Variants in RNF225 observed in about 807,000 individuals in gnomAD.
RNF225 encodes ring finger protein 225.
For synonymous variants in RNF225, 295 were observed against 260.4 expected, an observed-to-expected ratio of 1.13 and a Z score of -1.28; for missense variants, 510 against 509.8, an observed-to-expected ratio of 1.00 and a Z score of 0.00.
chr19:58,396,161 C>G lies in RNF225; in HGVS notation c.72C>G (p.Gly24=). 3.3e-6 allele frequency: 5 copies of G among 1,535,514 alleles called. No homozygotes were observed. Among genetic ancestry groups the G allele is most frequent in the Non-Finnish European group, 4.4e-6 (5 of 1,147,140 alleles). The part of the protein sequence containing the change: ...APQGSGPSSP[G]SLSAPRSPSR... ...AGGGCTCGGGTCCCAGCTCCCCAGG[C>G]TCGCTCTCTGCGCCCCGCTCCCCAA... The change falls in exon 1 of 1, where the codon GGC becomes GGG. Residue 24 remains glycine (G), a synonymous_variant. Transcript: ENST00000601382.
chr19:58,397,047 CGG>C lies in RNF225; in HGVS notation c.961_962del (p.Gly321ArgfsTer?), dbSNP rs2052405632. 6.5e-7 allele frequency: 1 copy of C among 1,528,308 alleles called. No homozygotes were observed. 94.7% of individuals were successfully genotyped at this position (1,528,308 alleles called of 1,614,324 possible). A position where few individuals can be genotyped will look rare whatever the true frequency, so the allele number is the denominator to read the frequency against. On this transcript the variant is annotated frameshift_variant, in exon 1 of 1. Coordinates refer to ENST00000601382, the MANE Select transcript of RNF225 (RefSeq NM_001195135.2). LOFTEE classifies it low-confidence loss of function (END_TRUNC). ...TGGCCCCGGCTGGGCCCCGTGGCCA[CGG>C]GGCGCGAGGAGGCTGTGGGGCTCAC... ...EAGPGWAPWP[R>X]GARRLWGSQ is the part of the protein sequence containing the mutation.
In RNF225 at chr19:58,396,201, CAGGAGG is replaced by C. The variant is rs747436338; in HGVS notation, c.129_134del (p.Glu44_Glu45del). ...CCGCTCCCCAAGCAGAGGGGAAGAC[CAGGAGG>C]AGGAGGAGGAGGAGGAAGGGGACGG... On this transcript the variant is annotated inframe_deletion, in exon 1 of 1. Transcript: ENST00000601382. 1.8e-4 allele frequency: 283 copies of C among 1,542,526 alleles called. No homozygotes were observed. The highest frequency in any genetic ancestry group is 2.2e-4 in the Non-Finnish European group (255 of 1,151,158).
rs1352898620 is a variant in RNF225 at position 58,397,043 on chromosome 19, G to A, written c.954G>A (p.Trp318Ter). Residue 318 changes from tryptophan (W) to a stop codon, truncating the protein, a stop_gained, in exon 1 of 1, where the codon TGG (tryptophan) becomes TGA (stop). Transcript: ENST00000601382. LOFTEE classifies it low-confidence loss of function (END_TRUNC). ...GTEAGPGWAP[W>*]PRGARRLWGS... is the part of the protein sequence containing the mutation. ...AGGCTGGCCCCGGCTGGGCCCCGTG[G>A]CCACGGGGCGCGAGGAGGCTGTGGG... The A allele has an allele frequency of 2.0e-6, 3 of 1,529,162 alleles. No individual in the cohort carries two copies. The highest frequency in any genetic ancestry group is 2.6e-6 in the Non-Finnish European group (3 of 1,144,390). The allele number at this position is 1,529,162 out of a possible 1,614,324, so 94.7% of individuals were successfully genotyped here.
chr19:58,396,027 A>G lies in RNF225; in HGVS notation c.-63A>G. On this transcript the variant is annotated 5_prime_UTR_variant, in exon 1 of 1. Transcript: ENST00000601382. ...CCCTGGATTCCCTGCTGGTCTCAGAACCCGCTCCAGGCTCCACCGCCTCCT... is the reference window on the plus strand; with the variant it reads ...CCCTGGATTCCCTGCTGGTCTCAGAGCCCGCTCCAGGCTCCACCGCCTCCT... 1.4e-6 allele frequency: 2 copies of G among 1,439,194 alleles called. No homozygotes were observed. The highest frequency in any genetic ancestry group is 1.8e-6 in the Non-Finnish European group (2 of 1,096,822). The allele number at this position is 1,439,194 out of a possible 1,614,324, so 89.2% of individuals were successfully genotyped here.
Position 58,396,851 on chromosome 19 carries a change from G to A in RNF225, c.762G>A (p.Pro254=). 2 of 1,519,980 alleles carry A rather than the reference G, an allele frequency of 1.3e-6. No homozygotes were observed. Among genetic ancestry groups the A allele is most frequent in the Non-Finnish European group, 1.8e-6 (2 of 1,141,012 alleles). The allele number at this position is 1,519,980 out of a possible 1,614,324, so 94.2% of individuals were successfully genotyped here. A position where few individuals can be genotyped will look rare whatever the true frequency, so the allele number is the denominator to read the frequency against. The change falls in exon 1 of 1, where the codon CCG becomes CCA. Residue 254 remains proline, a synonymous_variant. Transcript: ENST00000601382. Reference sequence around the variant, plus strand: ...CTTGGTTTCCGCCGAGGCCCCCGCCGGGGTCGCCCTGGGCCCCCGCCTGGA... The same window carrying A: ...CTTGGTTTCCGCCGAGGCCCCCGCCAGGGTCGCCCTGGGCCCCCGCCTGGA... The part of the protein sequence containing the change: ...GFSWFPPRPP[P]GSPWAPAWTP...
In RNF225 at chr19:58,396,487, T is replaced by A; in HGVS notation, c.398T>A (p.Leu133Gln). The A allele has an allele frequency of 7.5e-7, 1 of 1,334,564 alleles. No homozygotes were observed. The allele number at this position is 1,334,564 out of a possible 1,614,324, so 82.7% of individuals were successfully genotyped here. The change falls in exon 1 of 1, where the codon CTG becomes CAG. Residue 133 changes from leucine to glutamine, a missense_variant. Transcript: ENST00000601382. ...GCGTTGCCCACGCAGTCCGGTCTCC[T>A]GCCCCGCGACGCGCGCGCACCGCCC... ...LPALPTQSGL[L>Q]PRDARAPPSR... is the part of the protein sequence containing the mutation.
chr19:58,396,692 C>T lies in RNF225; in HGVS notation c.603C>T (p.Ala201=), dbSNP rs1257380921. 3 of 1,494,660 alleles carry T rather than the reference C, an allele frequency of 2.0e-6. No homozygotes were observed. Among genetic ancestry groups the T allele is most frequent in the Middle Eastern group, 1.9e-4 (1 of 5,262 alleles). 92.6% of individuals were successfully genotyped at this position (1,494,660 alleles called of 1,614,324 possible). A position where few individuals can be genotyped will look rare whatever the true frequency, so the allele number is the denominator to read the frequency against. ...LASPAWVFNA[A]VALAVLVAAG... is the part of the protein sequence containing the mutation. The stretch of plus-strand genomic sequence containing the variant: ...GCCCGGCCTGGGTCTTCAACGCTGC[C>T]GTGGCGCTGGCGGTGCTGGTGGCCG... The change falls in exon 1 of 1, where the codon GCC becomes GCT. Residue 201 remains alanine, a synonymous_variant. Transcript: ENST00000601382.
chr19:58,396,296 G>C lies in RNF225; in HGVS notation c.207G>C (p.Ser69=). The change falls in exon 1 of 1, where the codon TCG becomes TCC. Residue 69 remains serine, a synonymous_variant. Transcript: ENST00000601382. ...CGGTGGAGTGCCTCATCTGCGTGTC[G>C]TCCTTCGACGGCGTGTTCAAGCTGC... is the stretch of plus-strand genomic sequence containing the variant. ...ASPVECLICV[S]SFDGVFKLPK... is the part of the protein sequence containing the mutation. The C allele has an allele frequency of 6.5e-7, 1 of 1,535,910 alleles. No homozygotes were observed. The highest frequency in any genetic ancestry group is 8.7e-7 in the Non-Finnish European group (1 of 1,146,852).
chr19:58,395,984 A>G lies in RNF225; in HGVS notation c.-106A>G, dbSNP rs1001032676. On this transcript the variant is annotated 5_prime_UTR_variant, in exon 1 of 1. Transcript: ENST00000601382. ...CTCTGTACTGGGGGATCCTCTCTAA[A>G]GTACAGTCCCCAGTCTTCCCTGGAT... 8 of 1,166,076 alleles carry G rather than the reference A, an allele frequency of 6.9e-6. No individual in the cohort carries two copies. Among genetic ancestry groups the G allele is most frequent in the South Asian group, 3.2e-5 (2 of 61,882 alleles). The allele number at this position is 1,166,076 out of a possible 1,614,324, so 72.2% of individuals were successfully genotyped here.
Position 58,396,674 on chromosome 19 carries a change from C to G in RNF225, c.585C>G (p.Ala195=), listed in dbSNP as rs1256043378. ...LSRRLSLASP[A]WVFNAAVALA... Reference sequence around the variant, plus strand: ...GCCGCTTGTCGCTGGCCAGCCCGGCCTGGGTCTTCAACGCTGCCGTGGCGC... The same window carrying G: ...GCCGCTTGTCGCTGGCCAGCCCGGCGTGGGTCTTCAACGCTGCCGTGGCGC... Residue 195 remains alanine, a synonymous_variant, in exon 1 of 1, where the codon GCC becomes GCG. Coordinates refer to ENST00000601382, the MANE Select transcript of RNF225 (RefSeq NM_001195135.2). 1 of 1,480,704 alleles carries G rather than the reference C, an allele frequency of 6.8e-7. No individual in the cohort carries two copies. Among genetic ancestry groups the G allele is most frequent in the Non-Finnish European group, 8.9e-7 (1 of 1,123,620 alleles). 91.7% of individuals were successfully genotyped at this position (1,480,704 alleles called of 1,614,324 possible).
rs1213332250 is a variant in RNF225 at position 58,396,544 on chromosome 19, G to A, written c.455G>A (p.Arg152His). 6.8e-6 allele frequency: 8 copies of A among 1,171,020 alleles called. No homozygotes were observed. The highest frequency in any genetic ancestry group is 8.4e-6 in the Non-Finnish European group (8 of 951,070). 72.5% of individuals were successfully genotyped at this position (1,171,020 alleles called of 1,614,324 possible). A position where few individuals can be genotyped will look rare whatever the true frequency, so the allele number is the denominator to read the frequency against. The change falls in exon 1 of 1, where the codon CGC (arginine) becomes CAC (histidine). Residue 152 changes from arginine (R) to histidine (H), a missense_variant. Transcript: ENST00000601382. ...SRQGSVRFDR[R>H]RGLLYLRPPP... Reference sequence around the variant, plus strand: ...CAGGGCTCCGTGCGCTTCGACCGGCGCCGCGGCCTTCTCTACCTGCGGCCG... The same window carrying A: ...CAGGGCTCCGTGCGCTTCGACCGGCACCGCGGCCTTCTCTACCTGCGGCCG...
chr19:58,396,023 C>A lies in RNF225; in HGVS notation c.-67C>A. ...TCTTCCCTGGATTCCCTGCTGGTCT[C>A]AGAACCCGCTCCAGGCTCCACCGCC... On this transcript the variant is annotated 5_prime_UTR_variant, in exon 1 of 1. Coordinates refer to ENST00000601382, the MANE Select transcript of RNF225 (RefSeq NM_001195135.2). 7.0e-7 allele frequency: 1 copy of A among 1,432,612 alleles called. No homozygotes were observed. The highest frequency in any genetic ancestry group is 1.4e-5 in the South Asian group (1 of 69,218). 88.7% of individuals were successfully genotyped at this position (1,432,612 alleles called of 1,614,324 possible). A position where few individuals can be genotyped will look rare whatever the true frequency, so the allele number is the denominator to read the frequency against.
Position 58,396,264 on chromosome 19 carries a change from G to A in RNF225, c.175G>A (p.Ala59Thr), listed in dbSNP as rs958845462. 6 of 1,536,258 alleles carry A rather than the reference G, an allele frequency of 3.9e-6. No homozygotes were observed. In the African/African-American group the frequency reaches 6.8e-5, roughly 18 times the overall value. ...AGGCTCCGGCCCTATCCTGCCCCCC[G>A]CCTCCCCGGTGGAGTGCCTCATCTG... Reference protein sequence around the residue: ...SPGSGPILPPASPVECLICVS... With the variant: ...SPGSGPILPPTSPVECLICVS... The change falls in exon 1 of 1, where the codon GCC (alanine) becomes ACC (threonine). Residue 59 changes from alanine to threonine, a missense_variant. Transcript: ENST00000601382.
rs983342904 is a variant in RNF225, at chr19:58,397,069, G to T, written c.980G>T (p.Gly327Val). The T allele has an allele frequency of 8.6e-6, 13 of 1,519,536 alleles. No individual in the cohort carries two copies. The South Asian group carries it at 1.6e-4, about 18-fold the overall frequency. The allele number at this position is 1,519,536 out of a possible 1,614,324, so 94.1% of individuals were successfully genotyped here. The change falls in exon 1 of 1, where the codon GGC (glycine) becomes GTC (valine). Residue 327 changes from glycine (G) to valine (V), a missense_variant. Physicochemically the swap from Gly to Val is moderately radical, Grantham distance 109. Coordinates refer to ENST00000601382, the MANE Select transcript of RNF225 (RefSeq NM_001195135.2). ...PWPRGARRLW[G>V]SQ Reference sequence around the variant, plus strand: ...CCACGGGGCGCGAGGAGGCTGTGGGGCTCACAATAAGTGCGCCAGTACTGC... The same window carrying T: ...CCACGGGGCGCGAGGAGGCTGTGGGTCTCACAATAAGTGCGCCAGTACTGC...
Position 58,396,147 on chromosome 19 carries a change from C to A in RNF225, c.58C>A (p.Pro20Thr). 6.5e-7 allele frequency: 1 copy of A among 1,533,740 alleles called. No homozygotes were observed. The highest frequency in any genetic ancestry group is 8.7e-7 in the Non-Finnish European group (1 of 1,146,240). Residue 20 changes from proline (P) to threonine (T), a missense_variant, in exon 1 of 1, where the codon CCC becomes ACC. Physicochemically the swap from Pro to Thr is conservative, Grantham distance 38. Coordinates refer to ENST00000601382, the MANE Select transcript of RNF225 (RefSeq NM_001195135.2). ...TTCCCGGGCCCCCCAGGGCTCGGGT[C>A]CCAGCTCCCCAGGCTCGCTCTCTGC... ...RHSRAPQGSG[P>T]SSPGSLSAPR...
At position 58,396,583 on chromosome 19, in the gene RNF225, C is replaced by G. The variant is rs1184696925; in HGVS notation, c.494C>G (p.Pro165Arg). The change falls in exon 1 of 1, where the codon CCC (proline) becomes CGC (arginine). Residue 165 changes from proline (P) to arginine (R), a missense_variant. Transcript: ENST00000601382. Reference protein sequence around the residue: ...LLYLRPPPPPPGPRKARAPPP... With the variant: ...LLYLRPPPPPRGPRKARAPPP... ...TACCTGCGGCCGCCGCCGCCCCCGC[C>G]CGGGCCGCGCAAGGCCCGCGCCCCG... The G allele has an allele frequency of 9.4e-7, 1 of 1,065,788 alleles. No individual in the cohort carries two copies. Among genetic ancestry groups the G allele is most frequent in the Non-Finnish European group, 1.1e-6 (1 of 885,614 alleles). 66.0% of individuals were successfully genotyped at this position (1,065,788 alleles called of 1,614,324 possible).
At position 58,396,106 on chromosome 19, in the gene RNF225, C is replaced by A; in HGVS notation, c.17C>A (p.Pro6Gln). Reference protein sequence around the residue: MPCPRPFWLRHSRAPQ... With the variant: MPCPRQFWLRHSRAPQ... ...TCCATCCGGATGCCCTGCCCTCGGCCGTTCTGGCTCCGCCATTCCCGGGCC... is the reference window on the plus strand; with the variant it reads ...TCCATCCGGATGCCCTGCCCTCGGCAGTTCTGGCTCCGCCATTCCCGGGCC... The change falls in exon 1 of 1, where the codon CCG (proline) becomes CAG (glutamine). Residue 6 changes from proline (P) to glutamine (Q), a missense_variant. Transcript: ENST00000601382. The A allele has an allele frequency of 1.3e-6, 2 of 1,530,122 alleles. No individual in the cohort carries two copies. Among genetic ancestry groups the A allele is most frequent in the Non-Finnish European group, 1.7e-6 (2 of 1,144,896 alleles). The allele number at this position is 1,530,122 out of a possible 1,614,324, so 94.8% of individuals were successfully genotyped here.
At position 58,396,619 on chromosome 19, in the gene RNF225, C is replaced by T. The variant is rs1599937118; in HGVS notation, c.530C>T (p.Pro177Leu). Residue 177 changes from proline (P) to leucine (L), a missense_variant, in exon 1 of 1, where the codon CCG becomes CTG. Coordinates refer to ENST00000601382, the MANE Select transcript of RNF225 (RefSeq NM_001195135.2). ...PRKARAPPPP[P>L]PLRLGRPLSR... ...AAGGCCCGCGCCCCGCCGCCCCCGC[C>T]GCCTCTGCGCCTGGGCCGCCCGCTG... The T allele has an allele frequency of 1.6e-6, 2 of 1,245,698 alleles. No individual in the cohort carries two copies. Among genetic ancestry groups the T allele is most frequent in the South Asian group, 2.8e-5 (1 of 35,500 alleles). The allele number at this position is 1,245,698 out of a possible 1,614,324, so 77.2% of individuals were successfully genotyped here.
Position 58,397,047 on chromosome 19 carries a change from C to T in RNF225, c.958C>T (p.Arg320Trp), listed in dbSNP as rs2052405604. 1 of 1,528,308 alleles carries T rather than the reference C, an allele frequency of 6.5e-7. No individual in the cohort carries two copies. 94.7% of individuals were successfully genotyped at this position (1,528,308 alleles called of 1,614,324 possible). ...TGGCCCCGGCTGGGCCCCGTGGCCACGGGGCGCGAGGAGGCTGTGGGGCTC... is the reference window on the plus strand; with the variant it reads ...TGGCCCCGGCTGGGCCCCGTGGCCATGGGGCGCGAGGAGGCTGTGGGGCTC... ...EAGPGWAPWP[R>W]GARRLWGSQ The change falls in exon 1 of 1, where the codon CGG (arginine) becomes TGG (tryptophan). Residue 320 changes from arginine (R) to tryptophan (W), a missense_variant. Coordinates refer to ENST00000601382, the MANE Select transcript of RNF225 (RefSeq NM_001195135.2).
Sources: gnomAD v4.1 joint callset for allele counts on GRCh38, gnomAD v4.1.1 for gene constraint, MANE v1.5 for transcripts, NCBI Gene and HGNC (gene_info 2026-07-23, HGNC 2026-07-21) for gene names.